The following SOX6 variants were observed in gnomAD, a reference collection of about 807,000 sequenced individuals.
The protein encoded by SOX6 is transcription factor SOX-6.
SOX6 carries 11 observed loss-of-function variants against 97.8 expected under a neutral mutation model. The observed-to-expected ratio is 0.11, with a 90% CI of 0.07 to 0.19. SOX6 has a LOEUF of 0.19. Among genes scored for constraint, SOX6 ranks in the 10% least tolerant of loss-of-function variants. The pLI, the probability that SOX6 is intolerant of heterozygous loss-of-function variation, is 1.00. For synonymous variants in SOX6, 360 were observed against 371.4 expected, an observed-to-expected ratio of 0.97 and a Z score of 0.35; for missense variants, 810 against 1,039.5, an observed-to-expected ratio of 0.78 and a Z score of 3.04.
intron 1 of SOX6, among the ~76,000 whole-genome samples, chr11:16,401,929 T>C (rs951495552): frequency 6.6e-6 from 1 of 151,582 alleles, no homozygotes; most frequent in Non-Finnish European, 1.5e-5. Context: ...ATGATGTTTT[T>C]GCTTAAAAAA....
At chr11:16,248,859 A>G (rs1456353287) in intron 3 of SOX6, among the ~76,000 whole-genome samples, 7 of 152,170 alleles carry the variant, frequency 4.6e-5, no homozygotes, top group African/African-American at 1.7e-4. Flanking sequence ...GCACTTTGGG[A>G]GCCCAAGGAA....
intron 12 of SOX6, among the ~76,000 whole-genome samples, chr11:16,037,828 C>T (rs1855557264): frequency 6.6e-6 from 1 of 152,178 alleles, no homozygotes; most frequent in South Asian, 2.1e-4. Flanking sequence ...CATCCACAAA[C>T]ACCTACAATG....
Position 16,356,128 on chromosome 11 carries a change from T to C in SOX6, c.-39A>G, listed in dbSNP as rs1165639190. On this transcript the variant is annotated 5_prime_UTR_variant, in exon 1 of 16. Transcript: ENST00000683767. Reference sequence around the variant, plus strand: ...CTGCTCTTCCACTCTTCAATCCGGCTTTCTCTTACCACATCAGCCAGAACT... The same window carrying C: ...CTGCTCTTCCACTCTTCAATCCGGCCTTCTCTTACCACATCAGCCAGAACT... 6.6e-6 allele frequency among the ~76,000 whole-genome samples: 1 copy of C among 151,802 alleles called. No homozygotes were observed. Among genetic ancestry groups the C allele is most frequent in the Non-Finnish European group, 1.5e-5 (1 of 67,946 alleles).
At position 16,656,154 on chromosome 11, in the gene SOX6, C is replaced by T. The variant is rs118082274; in HGVS notation, n.430-43894G>A. Among the ~76,000 whole-genome samples the T allele has an allele frequency of 4.7e-4, 72 of 152,180 alleles. No individual in the cohort carries two copies. The East Asian group carries it at 0.011, about 24-fold the overall frequency. On this transcript the variant is annotated intron_variant and non_coding_transcript_variant, in intron 3 of 5. Coordinates refer to the SOX6 transcript ENST00000524520. ...AATACAGTGACGCCATCTCAGTTCACTGCAACCTCCGACTCCCTGGTTCAG... is the reference window on the plus strand; with the variant it reads ...AATACAGTGACGCCATCTCAGTTCATTGCAACCTCCGACTCCCTGGTTCAG...
chr11:16,719,352 T>A lies in SOX6; in HGVS notation n.354-4447A>T, dbSNP rs78384683. Among the ~76,000 whole-genome samples, 1,375 of 152,308 alleles carry A rather than the reference T, an allele frequency of 9.0e-3. 16 individuals are homozygous for A. Among genetic ancestry groups the A allele is most frequent in the African/African-American group, 0.032 (1,319 of 41,554 alleles). On this transcript the variant is annotated intron_variant and non_coding_transcript_variant, in intron 2 of 5. Transcript: ENST00000524520. ...TTTAACTTTTATCCCTCTACAGAGT[T>A]GTAAAATAGCCTAGTCAATCAAAGA...
At chr11:16,731,566 C>T (rs1848350427) in intron 2 of SOX6, among the ~76,000 whole-genome samples, 2 of 152,114 alleles carry the variant, frequency 1.3e-5, no homozygotes, top group African/African-American at 4.8e-5. Context: ...TAAAAACTCT[C>T]AATAAATTAG....
At chr11:16,262,296 G>A (rs1040966526) in intron 3 of SOX6, among the ~76,000 whole-genome samples, 1 of 152,094 alleles carries the variant, frequency 6.6e-6, no homozygotes, top group African/African-American at 2.4e-5. Context: ...TACAAGGAGT[G>A]TGTACATTTA....
intron 12 of SOX6, among the ~76,000 whole-genome samples, chr11:16,027,699 T>C (rs1855249764): frequency 6.6e-6 from 1 of 152,218 alleles, no homozygotes; most frequent in Non-Finnish European, 1.5e-5. Flanking sequence ...AATTCCTTGC[T>C]GGAATGTCTC....
At chr11:16,488,912 A>C (rs892902275) in intron 4 of SOX6, among the ~76,000 whole-genome samples, 1 of 152,180 alleles carries the variant, frequency 6.6e-6, no homozygotes, top group Non-Finnish European at 1.5e-5. Context: ...CCAAGTTTAC[A>C]GGCAAGGAAA....
At chr11:16,009,683 A>G (rs73417055) in intron 13 of SOX6, among the ~76,000 whole-genome samples, 1 of 151,960 alleles carries the variant, frequency 6.6e-6, no homozygotes, top group Non-Finnish European at 1.5e-5. Context: ...GATTTCTTGG[A>G]CTGAATTACA....
chr11:16,698,511 T>A (rs1848070077), intron 3 of SOX6, among the ~76,000 whole-genome samples: 1 of 152,252 alleles, frequency 6.6e-6, no homozygotes, highest in African/African-American at 2.4e-5. Flanking sequence ...ACCATTCTTG[T>A]GTTCACATTG....
At chr11:16,007,415 G>A (rs1246327527) in intron 13 of SOX6, among the ~76,000 whole-genome samples, 1 of 152,052 alleles carries the variant, frequency 6.6e-6, no homozygotes, top group Non-Finnish European at 1.5e-5. Flanking sequence ...ATTAAGTGGT[G>A]CATGACTGTA....
chr11:16,083,207 T>C (rs1848509383), intron 9 of SOX6, among the ~76,000 whole-genome samples: 1 of 152,234 alleles, frequency 6.6e-6, no homozygotes, highest in African/African-American at 2.4e-5. Flanking sequence ...CATTGCTTAC[T>C]AGATTGTGGG....
chr11:16,674,950 C>CT (rs1203765552), intron 3 of SOX6, among the ~76,000 whole-genome samples: 3 of 152,058 alleles, frequency 2.0e-5, no homozygotes, highest in Non-Finnish European at 2.9e-5. Flanking sequence ...GGGTGAGACT[C>CT]TGTCTAAATA....
intron 3 of SOX6, among the ~76,000 whole-genome samples, chr11:16,664,684 G>A (rs1166697570): frequency 6.6e-6 from 1 of 152,024 alleles, no homozygotes; most frequent in Non-Finnish European, 1.5e-5. Flanking sequence ...TGGACTCGGC[G>A]GGGCACATGA....
intron 1 of SOX6, among the ~76,000 whole-genome samples, chr11:16,374,395 C>T (rs1033984425): frequency 7.9e-5 from 12 of 151,968 alleles, no homozygotes; most frequent in Admixed American, 7.9e-4. Flanking sequence ...TTCTTTCTAA[C>T]CCTTCTGCAT....
chr11:16,442,374 G>A (rs957610692), intron 1 of SOX6, among the ~76,000 whole-genome samples: 1 of 152,082 alleles, frequency 6.6e-6, no homozygotes, highest in Non-Finnish European at 1.5e-5. Context: ...ATGCTTATGT[G>A]AAAATGAAAC....
At chr11:15,999,370 A>C (rs1227550942) in intron 13 of SOX6, among the ~76,000 whole-genome samples, 1 of 152,152 alleles carries the variant, frequency 6.6e-6, no homozygotes, top group Non-Finnish European at 1.5e-5. Context: ...AAACAAATTA[A>C]AGCTTCTGTC....
At chr11:16,060,942 C>A (rs1264693085) in intron 9 of SOX6, among the ~76,000 whole-genome samples, 1 of 151,654 alleles carries the variant, frequency 6.6e-6, no homozygotes, top group East Asian at 1.9e-4. Context: ...TGGTGCCTTG[C>A]AAATAACAGA....
Sources: gnomAD v4.1 joint callset for allele counts (sites outside exome capture counted in the v4.1 genomes callset) on GRCh38, gnomAD v4.1.1 for gene constraint, MANE v1.5 for transcripts, NCBI Gene and HGNC (gene_info 2026-07-23, HGNC 2026-07-21) for gene names.